The following BMPER variants were observed in gnomAD, a reference collection of about 807,000 sequenced individuals.
The protein encoded by BMPER is BMP binding endothelial regulator.
A neutral mutation model predicts 87.3 loss-of-function variants in BMPER; 45 were observed. The observed-to-expected ratio is 0.52, with a 90% CI of 0.41 to 0.66. BMPER has a LOEUF of 0.66. Ranked by LOEUF, BMPER falls within the 30% of genes least tolerant of loss-of-function variation. BMPER has a pLI of 0.00. For missense variants in BMPER, 784 were observed against 867.5 expected, an observed-to-expected ratio of 0.90 and a Z score of 1.21; for synonymous variants, 326 against 316.2, an observed-to-expected ratio of 1.03 and a Z score of -0.33.
intron 2 of BMPER, among the ~76,000 whole-genome samples, chr7:33,913,801 C>G (rs1316751761): frequency 6.6e-6 from 1 of 152,130 alleles, no homozygotes; most frequent in Non-Finnish European, 1.5e-5. Context: ...TAGAGTAGTT[C>G]TCTTCCCAGA....
intron 6 of BMPER, among the ~76,000 whole-genome samples, chr7:34,020,991 A>C (rs1235685331): frequency 6.6e-6 from 1 of 151,956 alleles, no homozygotes; most frequent in Non-Finnish European, 1.5e-5. Flanking sequence ...TCTCCATTCC[A>C]GTTTGTTAAC....
chr7:33,912,624 G>T (rs926770645), intron 2 of BMPER, among the ~76,000 whole-genome samples: 3 of 152,130 alleles, frequency 2.0e-5, no homozygotes. Flanking sequence ...GAATTTGTTG[G>T]GTAAATAAAG....
rs74855682 is a variant in BMPER at position 34,025,864 on chromosome 7, T to G, written c.577-20442T>G. Among the ~76,000 whole-genome samples, 1,148 of 152,080 alleles carry G rather than the reference T, an allele frequency of 7.5e-3. 19 individuals carry two copies. Among genetic ancestry groups the G allele is most frequent in the African/African-American group, 0.026 (1,099 of 41,502 alleles). Reference sequence around the variant, plus strand: ...GATATTTTTAAACTGCCTGTTCGTTTTTTGCATTTATTCAGAAGCTGGAAC... The same window carrying G: ...GATATTTTTAAACTGCCTGTTCGTTGTTTGCATTTATTCAGAAGCTGGAAC... On this transcript the variant is annotated intron_variant, in intron 6 of 14. Coordinates refer to ENST00000649409, the MANE Select transcript of BMPER (RefSeq NM_001365308.1).
chr7:34,114,250 T>C (rs1790055113), intron 13 of BMPER, among the ~76,000 whole-genome samples: 3 of 152,226 alleles, frequency 2.0e-5, no homozygotes, highest in Admixed American at 1.3e-4. Context: ...CAGATTGTGC[T>C]GCTGCAAATT....
At chr7:34,104,352 G>A (rs2127983842) in intron 13 of BMPER, among the ~76,000 whole-genome samples, 1 of 152,254 alleles carries the variant, frequency 6.6e-6, no homozygotes, top group South Asian at 2.1e-4. Context: ...TCATGTTTAT[G>A]TTCCTCCCCC....
chr7:33,974,751 A>G lies in BMPER; in HGVS notation c.543A>G (p.Pro181=), dbSNP rs892320750. ...VQYQEGEEFQ[P]EGSKCTKCSC... ...ATCAAGAAGGGGAGGAATTTCAGCCAGAAGGAAGCAAATGTACCAAGTGTT... is the reference window on the plus strand; with the variant it reads ...ATCAAGAAGGGGAGGAATTTCAGCCGGAAGGAAGCAAATGTACCAAGTGTT... Residue 181 remains proline, a synonymous_variant, in exon 6 of 15, where the codon CCA becomes CCG. Coordinates refer to ENST00000649409, the MANE Select transcript of BMPER (RefSeq NM_001365308.1). 6.2e-7 allele frequency: 1 copy of G among 1,614,164 alleles called. No homozygotes were observed. Among genetic ancestry groups the G allele is most frequent in the Admixed American group, 1.7e-5 (1 of 60,026 alleles).
At chr7:34,070,073 T>C (rs533274651) in intron 11 of BMPER, among the ~76,000 whole-genome samples, 1 of 152,334 alleles carries the variant, frequency 6.6e-6, no homozygotes, top group African/African-American at 2.4e-5. Flanking sequence ...TGGTGCCCTT[T>C]CTGTACTTTC....
At chr7:34,073,880 G>A (rs979197830) in intron 11 of BMPER, among the ~76,000 whole-genome samples, 16 of 152,208 alleles carry the variant, frequency 1.1e-4, no homozygotes, top group Non-Finnish European at 2.2e-4. Context: ...GCATTGGGCC[G>A]GGAGCTGAAG....
chr7:34,080,188 G>A (rs1788976288), intron 12 of BMPER, among the ~76,000 whole-genome samples: 1 of 152,190 alleles, frequency 6.6e-6, no homozygotes, highest in Non-Finnish European at 1.5e-5. Flanking sequence ...AAGTGTGAAA[G>A]TATCAGTTGG....
chr7:34,102,589 C>G (rs980181638), intron 13 of BMPER, among the ~76,000 whole-genome samples: 8 of 152,144 alleles, frequency 5.3e-5, no homozygotes, highest in African/African-American at 1.9e-4. Flanking sequence ...GTGTTCTTCC[C>G]AAGACCATTC....
At chr7:34,144,528 A>C (rs1790968644) in intron 14 of BMPER, among the ~76,000 whole-genome samples, 1 of 151,452 alleles carries the variant, frequency 6.6e-6, no homozygotes, top group African/African-American at 2.4e-5. Context: ...CTGGTGAAAA[A>C]CTGATGGTGG....
intron 10 of BMPER, among the ~76,000 whole-genome samples, chr7:34,061,056 T>C (rs1055933667): frequency 6.6e-6 from 1 of 152,220 alleles, no homozygotes; most frequent in African/African-American, 2.4e-5. Flanking sequence ...CTCATAAGGT[T>C]CTTGTGCATC....
intron 11 of BMPER, among the ~76,000 whole-genome samples, chr7:34,065,261 T>C (rs1326082292): frequency 6.9e-6 from 1 of 145,510 alleles, no homozygotes; most frequent in African/African-American, 2.5e-5. Context: ...TCTCTCTCTC[T>C]CTCCCCATGA....
intron 3 of BMPER, among the ~76,000 whole-genome samples, chr7:33,965,144 T>C (rs1785374079): frequency 6.6e-6 from 1 of 152,240 alleles, no homozygotes; most frequent in Non-Finnish European, 1.5e-5. Context: ...TGGTTGAACA[T>C]TTTATCTCTG....
intron 3 of BMPER, among the ~76,000 whole-genome samples, chr7:33,952,197 A>G (rs763936529): frequency 1.3e-5 from 2 of 152,236 alleles, no homozygotes; most frequent in Non-Finnish European, 2.9e-5. Context: ...CTTTTATAAC[A>G]TCATATAGAA....
At chr7:34,031,961 C>A (rs991861171) in intron 6 of BMPER, among the ~76,000 whole-genome samples, 1 of 129,518 alleles carries the variant, frequency 7.7e-6, no homozygotes. Context: ...TACACACACA[C>A]ATATATATAA....
intron 3 of BMPER, among the ~76,000 whole-genome samples, chr7:33,962,551 C>T (rs1026057416): frequency 4.6e-5 from 7 of 152,190 alleles, no homozygotes; most frequent in African/African-American, 1.7e-4. Context: ...TGCTCCATAT[C>T]TTCCAGCTGT....
intron 13 of BMPER, among the ~76,000 whole-genome samples, chr7:34,091,185 A>G (rs1001760786): frequency 8.5e-5 from 13 of 152,226 alleles, no homozygotes; most frequent in African/African-American, 3.1e-4. Flanking sequence ...GTTCTTACAA[A>G]GGAAACTGAT....
intron 6 of BMPER, among the ~76,000 whole-genome samples, chr7:34,022,301 C>A (rs913701183): frequency 1.3e-5 from 2 of 152,022 alleles, no homozygotes; most frequent in African/African-American, 4.8e-5. Flanking sequence ...TTCTAGGGAT[C>A]ATTTCCCATG....
Sources: gnomAD v4.1 joint callset for allele counts (sites outside exome capture counted in the v4.1 genomes callset) on GRCh38, gnomAD v4.1.1 for gene constraint, MANE v1.5 for transcripts, NCBI Gene and HGNC (gene_info 2026-07-23, HGNC 2026-07-21) for gene names.